The following TMIGD3 variants were observed in gnomAD, a reference collection of about 807,000 sequenced individuals.
The protein encoded by TMIGD3 is transmembrane and immunoglobulin domain containing 3.
A neutral mutation model predicts 28.1 loss-of-function variants in TMIGD3; 21 were observed. The ratio of observed to expected loss-of-function variants is 0.75; its 90% confidence interval spans 0.53 to 1.08. TMIGD3 has a LOEUF of 1.08. Among genes scored for constraint, TMIGD3 ranks in the 50% least tolerant of loss-of-function variants. TMIGD3 has a pLI of 0.00. For synonymous variants in TMIGD3, 151 were observed against 162.1 expected (o/e 0.93, Z 0.52); for missense variants, 416 against 435.6 (o/e 0.96, Z 0.40).
intron 1 of TMIGD3, among the ~76,000 whole-genome samples, chr1:111,538,688 C>A (rs1023386752): frequency 6.6e-6 from 1 of 152,106 alleles, no homozygotes; most frequent in East Asian, 1.9e-4. Context: ...CTCAAGAATT[C>A]GAGAATTGAA....
chr1:111,491,300 G>A lies in TMIGD3; in HGVS notation c.351-538C>T, dbSNP rs751395249. On this transcript the variant is annotated intron_variant, in intron 1 of 5. Coordinates refer to ENST00000369716, the MANE Select transcript of TMIGD3 (RefSeq NM_020683.7). ...TGAGCAGGTGGAAGTGTGGGTGGCCGCAGTTTGGGCTGCGGTCTTCAGACT... is the reference window on the plus strand; with the variant it reads ...TGAGCAGGTGGAAGTGTGGGTGGCCACAGTTTGGGCTGCGGTCTTCAGACT... Among the ~76,000 whole-genome samples the A allele has an allele frequency of 8.3e-4, 127 of 152,232 alleles. 1 individual carries two copies. The highest frequency in any genetic ancestry group is 2.6e-4 in the Non-Finnish European group (18 of 68,036).
intron 1 of TMIGD3, among the ~76,000 whole-genome samples, chr1:111,538,437 G>A (rs532132331): frequency 4.6e-5 from 7 of 152,208 alleles, no homozygotes; most frequent in Non-Finnish European, 8.8e-5. Flanking sequence ...CTCTGAAAGC[G>A]CATGAGGAGG....
intron 1 of TMIGD3, among the ~76,000 whole-genome samples, chr1:111,553,361 G>A (rs773460153): frequency 7.9e-5 from 12 of 152,188 alleles, no homozygotes; most frequent in Non-Finnish European, 1.5e-4. Context: ...TGGAATTTGA[G>A]GAGCATGGGG....
intron 1 of TMIGD3, chr1:111,542,289 C>A: frequency 1.8e-6 from 1 of 551,848 alleles, no homozygotes; most frequent in Non-Finnish European, 3.5e-6. Context: ...CCTGCCGGTT[C>A]GAACACACGC....
intron 1 of TMIGD3, among the ~76,000 whole-genome samples, chr1:111,549,444 T>C (rs533956948): frequency 2.1e-4 from 32 of 149,188 alleles, no homozygotes; most frequent in African/African-American, 7.1e-4. Flanking sequence ...AGGTCAGGAG[T>C]TCAAGACCAG....
At chr1:111,508,377 T>C (rs1655585101), upstream of TMIGD3, among the ~76,000 whole-genome samples, 1 of 152,204 alleles carries the variant, frequency 6.6e-6, no homozygotes, top group Non-Finnish European at 1.5e-5. Context: ...GGCGCTATGC[T>C]CAATGGTGGC....
At chr1:111,539,262 C>G (rs552995328) in intron 1 of TMIGD3, among the ~76,000 whole-genome samples, 28 of 152,266 alleles carry the variant, frequency 1.8e-4, no homozygotes, top group Admixed American at 3.3e-4. Context: ...TCTCTCCCCT[C>G]TCTAGTAGTC....
rs767199261 is a variant in TMIGD3 at position 111,485,753 on chromosome 1, T to C, written c.960A>G (p.Gln320=). The C allele has an allele frequency of 1.5e-5, 24 of 1,572,894 alleles. No homozygotes were observed. Among genetic ancestry groups the C allele is most frequent in the Non-Finnish European group, 2.0e-5 (23 of 1,145,202 alleles). ...ATAGCTACTTACCCCTTCTATTCCTTTGACTTCTCCTCCTTTTGGTCAAAT... is the reference window on the plus strand; with the variant it reads ...ATAGCTACTTACCCCTTCTATTCCTCTGACTTCTCCTCCTTTTGGTCAAAT... ...ISHLTKRRRS[Q]RNRRVGNTLK... Residue 320 remains glutamine (Q), a synonymous_variant, in exon 5 of 6, where the codon CAA becomes CAG. Transcript: ENST00000369716.
intron 2 of TMIGD3, 76 bp from the exon 3 acceptor site, chr1:111,489,100 C>T (rs1654531811): frequency 2.2e-6 from 3 of 1,353,518 alleles, no homozygotes; most frequent in Non-Finnish European, 3.1e-6. Context: ...CAGCTCCTGC[C>T]CTCCTGAAGG....
chr1:111,541,968 C>T (rs773758859), intron 1 of TMIGD3, among the ~76,000 whole-genome samples: 7 of 152,032 alleles, frequency 4.6e-5, no homozygotes, highest in Non-Finnish European at 8.8e-5. Flanking sequence ...AGAGGAAAGG[C>T]AAGGTGATGA....
intron 1 of TMIGD3, among the ~76,000 whole-genome samples, chr1:111,547,863 T>C (rs79929098): frequency 1.0e-3 from 155 of 152,340 alleles, no homozygotes; most frequent in African/African-American, 3.6e-3. Flanking sequence ...TGTCTAACTC[T>C]CTTAAAACAC....
chr1:111,507,033 GTGTGTGTATA>G (rs1329170275), upstream of TMIGD3, among the ~76,000 whole-genome samples: 37 of 37,158 alleles, frequency 1.0e-3, no homozygotes, highest in Non-Finnish European at 1.1e-3. Flanking sequence ...GTGTGTGTGT[GTGTGTGTATA>G]TATATATATA....
At chr1:111,490,946 C>T (rs1338341198) in intron 1 of TMIGD3, among the ~76,000 whole-genome samples, 184 bp from the exon 2 acceptor site, 5 of 152,226 alleles carry the variant, frequency 3.3e-5, no homozygotes, top group African/African-American at 1.2e-4. Context: ...CAAGAAAATT[C>T]TGGGCAGTAG....
chr1:111,552,403 G>A (rs2786974), intron 1 of TMIGD3, among the ~76,000 whole-genome samples: 63,028 of 152,038 alleles, frequency 0.41, 14,496 homozygotes, highest in Admixed American at 0.56. Flanking sequence ...TCCTGAATAC[G>A]TGTTCCCTGA....
chr1:111,553,735 C>T (rs929896891), intron 1 of TMIGD3, among the ~76,000 whole-genome samples: 2 of 152,288 alleles, frequency 1.3e-5, no homozygotes, highest in Non-Finnish European at 2.9e-5. Context: ...TGACATTAGG[C>T]TCAAATTCCA....
intron 1 of TMIGD3, among the ~76,000 whole-genome samples, chr1:111,509,257 C>T (rs999892144): frequency 6.6e-6 from 1 of 152,228 alleles, no homozygotes. Flanking sequence ...ACCTGTCAAC[C>T]TCTGACCTAT....
upstream of TMIGD3, among the ~76,000 whole-genome samples, chr1:111,507,801 T>C (rs1478971096): frequency 6.6e-6 from 1 of 152,246 alleles, no homozygotes; most frequent in Non-Finnish European, 1.5e-5. Flanking sequence ...TAGAGCTTCA[T>C]GTTTGCTAGC....
intron 1 of TMIGD3, among the ~76,000 whole-genome samples, chr1:111,536,107 A>C (rs997674659): frequency 1.3e-5 from 2 of 152,212 alleles, no homozygotes; most frequent in Admixed American, 1.3e-4. Context: ...GGATCCTTTA[A>C]ACCAGTGAGA....
At chr1:111,540,490 A>G (rs1656785509) in intron 1 of TMIGD3, among the ~76,000 whole-genome samples, 2 of 152,228 alleles carry the variant, frequency 1.3e-5, no homozygotes, top group Non-Finnish European at 2.9e-5. Flanking sequence ...AGACACCCAC[A>G]TCATCAAAGT....
Sources: allele counts gnomAD v4.1 joint callset (sites outside exome capture counted in the v4.1 genomes callset), GRCh38; gene constraint gnomAD v4.1.1; transcripts MANE v1.5; gene names NCBI Gene and HGNC (gene_info 2026-07-23, HGNC 2026-07-21).